Variants in RBP2 observed in about 807,000 individuals in gnomAD.
RBP2 encodes the protein retinol-binding protein 2.
A neutral mutation model predicts 17.0 loss-of-function variants in RBP2; 17 were observed. The ratio of observed to expected loss-of-function variants is 1.00; its 90% CI spans 0.68 to 1.50. The LOEUF is 1.50. Ranked by LOEUF, RBP2 falls within the 40% of genes most tolerant of loss-of-function variation. RBP2 has a pLI of 0.00. For synonymous variants in RBP2, 48 were observed against 57.1 expected, an observed-to-expected ratio of 0.84 and a Z score of 0.72; for missense variants, 158 against 168.2, an observed-to-expected ratio of 0.94 and a Z score of 0.33.
chr3:139,456,808 AG>A (rs1932984530), intron 2 of RBP2, among the ~76,000 whole-genome samples: 2 of 152,312 alleles, frequency 1.3e-5, no homozygotes, highest in East Asian at 3.9e-4. Context: ...TGTTTTCTAA[AG>A]AAAAAAAAGG....
chr3:139,453,121 TC>T lies in RBP2; in HGVS notation c.399del (p.Lys134AsnfsTer46), dbSNP rs1943340418. ...GDQVCRQVFK[K>X]K ...GCAGGCCTCCCACGTCGCCATCATT[TC>T]TTTTTGAACACTTGACGGCACACCT... On this transcript the variant is annotated frameshift_variant, in exon 4 of 4. Transcript: ENST00000232217. LOFTEE classifies it high-confidence loss of function. 17 of 1,614,038 alleles carry T rather than the reference TC, an allele frequency of 1.1e-5. No homozygotes were observed. The highest frequency in any genetic ancestry group is 1.4e-5 in the Non-Finnish European group (16 of 1,180,040).
intron 2 of RBP2, among the ~76,000 whole-genome samples, chr3:139,455,066 C>T (rs1260585619): frequency 6.6e-6 from 1 of 152,156 alleles, no homozygotes; most frequent in African/African-American, 2.4e-5. Context: ...TCTACTCTTC[C>T]ATTTTTCCTT....
At chr3:139,462,034 T>A in intron 2 of RBP2, 78 bp downstream of exon 2, 1 of 1,478,996 alleles carries the variant, frequency 6.8e-7, no homozygotes, top group Non-Finnish European at 9.2e-7. Context: ...TTCTAATATT[T>A]TTTTTTTCAT....
intron 2 of RBP2, among the ~76,000 whole-genome samples, chr3:139,460,246 GC>G (rs1188723979): frequency 6.6e-6 from 1 of 152,194 alleles, no homozygotes; most frequent in Non-Finnish European, 1.5e-5. Flanking sequence ...TGGCTTTTCA[GC>G]CAGATGGTTC....
chr3:139,469,663 ATCTGTCTGTCTG>A (rs774785857), intron 1 of RBP2, among the ~76,000 whole-genome samples: 2 of 145,722 alleles, frequency 1.4e-5, no homozygotes, highest in African/African-American at 5.0e-5. Context: ...TCAGACATCT[ATCTGTCTGTCTG>A]TCTGTCTGTC....
chr3:139,457,460 A>T (rs573587861), intron 2 of RBP2, among the ~76,000 whole-genome samples: 3 of 152,314 alleles, frequency 2.0e-5, no homozygotes, highest in South Asian at 2.1e-4. Flanking sequence ...AAGGAGAAAA[A>T]TGTTAGTGCA....
intron 1 of RBP2, among the ~76,000 whole-genome samples, chr3:139,474,954 C>CTG (rs1933684507): frequency 6.6e-6 from 1 of 151,958 alleles, no homozygotes; most frequent in African/African-American, 2.4e-5. Flanking sequence ...CTTCCTCCTC[C>CTG]CAACTATATT....
At chr3:139,453,229 G>A in intron 3 of RBP2, 63 bp from the exon 4 acceptor site, 1 of 1,586,298 alleles carries the variant, frequency 6.3e-7, no homozygotes, top group Non-Finnish European at 8.7e-7. Context: ...CCAGCCCTCA[G>A]CCCCCTTGGT....
At chr3:139,473,781 T>A (rs1933639809) in intron 1 of RBP2, among the ~76,000 whole-genome samples, 1 of 152,158 alleles carries the variant, frequency 6.6e-6, no homozygotes, top group Admixed American at 6.5e-5. Context: ...GCCCCACCCA[T>A]GTTCCCACGG....
chr3:139,465,528 T>G (rs1050117592), intron 1 of RBP2, among the ~76,000 whole-genome samples: 1 of 152,188 alleles, frequency 6.6e-6, no homozygotes, highest in Non-Finnish European at 1.5e-5. Context: ...GTACTTGAAC[T>G]TAGGATGATC....
intron 3 of RBP2, among the ~76,000 whole-genome samples, 168 bp from the exon 4 acceptor site, chr3:139,453,334 G>T (rs369718409): frequency 1.1e-3 from 173 of 152,340 alleles, no homozygotes; most frequent in African/African-American, 4.1e-3. Flanking sequence ...CCTGCAGGTA[G>T]CAGTAATTTG....
intron 1 of RBP2, among the ~76,000 whole-genome samples, chr3:139,464,390 G>A (rs1012773175): frequency 1.3e-5 from 2 of 152,086 alleles, no homozygotes; most frequent in African/African-American, 2.4e-5. Flanking sequence ...CCCGGGAGGC[G>A]GAGGTTGCAG....
chr3:139,456,624 G>T (rs971494848), intron 2 of RBP2, among the ~76,000 whole-genome samples: 1 of 152,206 alleles, frequency 6.6e-6, no homozygotes, highest in Non-Finnish European at 1.5e-5. Context: ...GCATATGTCT[G>T]TACATGTTTC....
At chr3:139,467,146 A>G (rs771606986) in intron 1 of RBP2, among the ~76,000 whole-genome samples, 1 of 152,210 alleles carries the variant, frequency 6.6e-6, no homozygotes, top group Non-Finnish European at 1.5e-5. Flanking sequence ...GGCAAATAGT[A>G]GGTACTCAAG....
In RBP2 at chr3:139,453,112, G is replaced by A. The variant is rs763679884; in HGVS notation, c.*4C>T. 4.3e-6 allele frequency: 7 copies of A among 1,613,934 alleles called. No individual in the cohort carries two copies. The African/African-American group carries it at 5.3e-5, about 12-fold the overall frequency. Reference sequence around the variant, plus strand: ...TTGTGCTTGGCAGGCCTCCCACGTCGCCATCATTTCTTTTTGAACACTTGA... The same window carrying A: ...TTGTGCTTGGCAGGCCTCCCACGTCACCATCATTTCTTTTTGAACACTTGA... On this transcript the variant is annotated 3_prime_UTR_variant, in exon 4 of 4. Coordinates refer to ENST00000232217, the MANE Select transcript of RBP2 (RefSeq NM_004164.3).
chr3:139,468,410 A>G (rs1178666526), intron 1 of RBP2, among the ~76,000 whole-genome samples: 2 of 152,226 alleles, frequency 1.3e-5, no homozygotes, highest in Non-Finnish European at 2.9e-5. Flanking sequence ...TGGAAACACC[A>G]TCCCTAGTCA....
chr3:139,473,958 G>A (rs563179733), intron 1 of RBP2, among the ~76,000 whole-genome samples: 2 of 152,252 alleles, frequency 1.3e-5, no homozygotes, highest in Admixed American at 6.5e-5. Flanking sequence ...TCCCACTCTG[G>A]GTTTACCTAG....
Position 139,469,687 on chromosome 3 carries a change from G to GTCTGTCTGTCTATCTATCTATCTA in RBP2, c.73+6699_73+6700insTAGATAGATAGATAGACAGACAGA, listed in dbSNP as rs1432677359. Reference sequence around the variant, plus strand: ...TATCTGTCTGTCTGTCTGTCTGTCTGTCTATCTATCTATCTATCTATCTAT... The same window carrying GTCTGTCTGTCTATCTATCTATCTA: ...TATCTGTCTGTCTGTCTGTCTGTCTGTCTGTCTGTCTATCTATCTATCTATCTATCTATCTATCTATCTATCTAT... On this transcript the variant is annotated intron_variant, in intron 1 of 3. Coordinates refer to ENST00000232217, the MANE Select transcript of RBP2 (RefSeq NM_004164.3). Among the ~76,000 whole-genome samples, 674 of 132,940 alleles carry GTCTGTCTGTCTATCTATCTATCTA rather than the reference G, an allele frequency of 5.1e-3. 1 individual carries two copies. Among genetic ancestry groups the GTCTGTCTGTCTATCTATCTATCTA allele is most frequent in the Non-Finnish European group, 7.4e-3 (463 of 62,830 alleles). The allele number at this position is 132,940 out of a possible 152,430, so 87.2% of individuals were successfully genotyped here.
At chr3:139,466,149 A>G (rs1440191974) in intron 1 of RBP2, among the ~76,000 whole-genome samples, 2 of 152,134 alleles carry the variant, frequency 1.3e-5, no homozygotes, top group East Asian at 3.9e-4. Context: ...ATTCTTTAAT[A>G]TGGGAAAGGT....
Sources: gnomAD v4.1 joint callset for allele counts (sites outside exome capture counted in the v4.1 genomes callset) on GRCh38, gnomAD v4.1.1 for gene constraint, MANE v1.5 for transcripts, NCBI Gene and HGNC (gene_info 2026-07-23, HGNC 2026-07-21) for gene names.